Variants in EED observed in about 807,000 individuals in gnomAD.
EED encodes embryonic ectoderm development.
Under a neutral mutation model 61.0 loss-of-function variants are expected in EED, and 9 were observed. That is an observed-to-expected ratio of 0.15 (90% confidence interval 0.09 to 0.26). The LOEUF (loss-of-function observed/expected upper bound fraction) is 0.26, where lower values mean the gene tolerates loss of function less well. Among genes scored for constraint, EED ranks in the 10% least tolerant of loss-of-function variants. The pLI is 1.00. For missense variants in EED, 315 were observed against 542.3 expected (o/e 0.58, Z 4.16); for synonymous variants, 187 against 174.4 (o/e 1.07, Z -0.57).
chr11:86,248,196 A>C (rs1237579991), intron 1 of EED, among the ~76,000 whole-genome samples: 1 of 152,240 alleles, frequency 6.6e-6, no homozygotes, highest in African/African-American at 2.4e-5. Context: ...GTCACCCTGT[A>C]CATATATTAG....
At chr11:86,264,470 C>G (rs750427382) in intron 7 of EED, 12 of 386,074 alleles carry the variant, frequency 3.1e-5, no homozygotes, top group Non-Finnish European at 5.0e-5. Context: ...AAATTACTTG[C>G]ACTGTATACC....
chr11:86,255,482 C>T (rs1187450126), intron 4 of EED, among the ~76,000 whole-genome samples, 195 bp downstream of exon 4: 1 of 152,100 alleles, frequency 6.6e-6, no homozygotes, highest in East Asian at 1.9e-4. Flanking sequence ...GTCAACTCAG[C>T]TAGGCAAAAA....
At chr11:86,275,762 CTA>C (rs1946214168) in intron 9 of EED, among the ~76,000 whole-genome samples, 2 of 152,160 alleles carry the variant, frequency 1.3e-5, no homozygotes, top group South Asian at 2.1e-4. Flanking sequence ...ACTCCACAGA[CTA>C]TTGATCCAAT....
At chr11:86,279,836 G>A (rs1319689716), downstream of EED, among the ~76,000 whole-genome samples, 2 of 152,072 alleles carry the variant, frequency 1.3e-5, no homozygotes, top group Non-Finnish European at 2.9e-5. Flanking sequence ...TCCAATGAAC[G>A]CTTCAATTGT....
chr11:86,276,846 C>A, intron 9 of EED, 134 bp from the exon 10 acceptor site: 1 of 620,754 alleles, frequency 1.6e-6, no homozygotes, highest in Non-Finnish European at 2.4e-6. Context: ...GAATGTACAT[C>A]ACTGTACTTG....
At chr11:86,266,283 C>G in intron 8 of EED, 67 bp downstream of exon 8, 1 of 1,384,090 alleles carries the variant, frequency 7.2e-7, no homozygotes, top group Non-Finnish European at 9.6e-7. Context: ...TATTTTTTCC[C>G]AAAATTGCTA....
chr11:86,269,919 T>A (rs71465624), intron 9 of EED, among the ~76,000 whole-genome samples: 1 of 152,232 alleles, frequency 6.6e-6, no homozygotes, highest in Non-Finnish European at 1.5e-5. Context: ...TTTGGTCATT[T>A]CCAGTTCTGG....
At position 86,257,562 on chromosome 11, in the gene EED, A is replaced by C; in HGVS notation, c.600A>C (p.Pro200=). ...GNAINELKFH[P]RDPNLLLSVS... The stretch of plus-strand genomic sequence containing the variant: ...CTATCAATGAGCTGAAATTCCATCC[A>C]AGAGATCCAAATCTTCTCCTGTCAG... Residue 200 remains proline, a synonymous_variant, in exon 6 of 12, where the codon CCA becomes CCC. Coordinates refer to ENST00000263360, the MANE Select transcript of EED (RefSeq NM_003797.5). 6.2e-7 allele frequency: 1 copy of C among 1,612,398 alleles called. No homozygotes were observed. Among genetic ancestry groups the C allele is most frequent in the Non-Finnish European group, 8.5e-7 (1 of 1,179,148 alleles).
chr11:86,248,526 G>T (rs1484285430), intron 1 of EED, among the ~76,000 whole-genome samples: 1 of 152,156 alleles, frequency 6.6e-6, no homozygotes, highest in Non-Finnish European at 1.5e-5. Flanking sequence ...TACTCAGAGG[G>T]AACCAGGCAA....
At chr11:86,269,059 G>A (rs143215854) in intron 9 of EED, among the ~76,000 whole-genome samples, 125 of 152,238 alleles carry the variant, frequency 8.2e-4, no homozygotes, top group African/African-American at 2.8e-3. Context: ...AATTGAAAAC[G>A]CATTTAATAC....
intron 9 of EED, among the ~76,000 whole-genome samples, chr11:86,272,209 C>T (rs943631542): frequency 1.5e-4 from 23 of 148,466 alleles, no homozygotes; most frequent in Non-Finnish European, 2.7e-4. Flanking sequence ...AGGAGCCTGC[C>T]ACCACACCCG....
Position 86,252,105 on chromosome 11 carries a change from G to A in EED, c.268-43G>A, listed in dbSNP as rs7116719. ...TTAGTTTACTGTCATTTTCTGGTTT[G>A]TAAGATACATTAATCTTTTCTTATT... On this transcript the variant is annotated intron_variant, in intron 2 of 11. Coordinates refer to ENST00000263360, the MANE Select transcript of EED (RefSeq NM_003797.5). 18,335 of 1,531,548 alleles carry A rather than the reference G, an allele frequency of 0.012. 845 individuals carry two copies. Among genetic ancestry groups the A allele is most frequent in the East Asian group, 0.11 (4,800 of 44,136 alleles). 94.9% of individuals were successfully genotyped at this position (1,531,548 alleles called of 1,614,324 possible).
At chr11:86,250,565 T>C in intron 2 of EED, 117 bp downstream of exon 2, 1 of 1,222,010 alleles carries the variant, frequency 8.2e-7, no homozygotes, top group Non-Finnish European at 1.1e-6. Flanking sequence ...AAAGTTACAA[T>C]GTTTTCTGAA....
In EED at chr11:86,244,969, A is replaced by G; in HGVS notation, c.-261A>G. The stretch of plus-strand genomic sequence containing the variant: ...AGACTGCCGGGAGGGCGGCGGGAAA[A>G]GGGCAAGACGGGAGTTGGGGAAGGG... On this transcript the variant is annotated 5_prime_UTR_variant, in exon 1 of 12. Coordinates refer to ENST00000263360, the MANE Select transcript of EED (RefSeq NM_003797.5). 1 of 406,562 alleles carries G rather than the reference A, an allele frequency of 2.5e-6. No individual in the cohort carries two copies. The highest frequency in any genetic ancestry group is 4.4e-6 in the Non-Finnish European group (1 of 226,476). The allele number at this position is 406,562 out of a possible 1,614,324, so 25.2% of individuals were successfully genotyped here.
In EED at chr11:86,245,282, C is replaced by G. The variant is rs1945363445; in HGVS notation, c.53C>G (p.Ala18Gly). 3 of 1,613,430 alleles carry G rather than the reference C, an allele frequency of 1.9e-6. No homozygotes were observed. Among genetic ancestry groups the G allele is most frequent in the Non-Finnish European group, 2.5e-6 (3 of 1,179,926 alleles). Residue 18 changes from alanine to glycine, a missense_variant, in exon 1 of 12, where the codon GCC becomes GGC. This residue lies in a region of EED where 110 missense variants were observed against 86.9 expected (regional missense o/e 1.27). Coordinates refer to ENST00000263360, the MANE Select transcript of EED (RefSeq NM_003797.5). ...CCGGCGGGAACAGACATGCCTGCGGCCAAGAAGCAGAAGCTGAGCAGTGAC... is the reference window on the plus strand; with the variant it reads ...CCGGCGGGAACAGACATGCCTGCGGGCAAGAAGCAGAAGCTGAGCAGTGAC... ...TAPAGTDMPA[A>G]KKQKLSSDEN...
intron 8 of EED, among the ~76,000 whole-genome samples, chr11:86,266,724 C>T (rs1945990448): frequency 6.6e-6 from 1 of 152,060 alleles, no homozygotes; most frequent in South Asian, 2.1e-4. Context: ...AGGAGCCTCA[C>T]TTCATGGTAC....
At chr11:86,250,255 A>C in intron 1 of EED, 41 bp from the exon 2 acceptor site, 1 of 1,455,048 alleles carries the variant, frequency 6.9e-7, no homozygotes, top group Non-Finnish European at 9.1e-7. Context: ...TAAAAACAGT[A>C]TTGCTGTTTC....
chr11:86,267,690 T>G (rs868555706), intron 8 of EED, among the ~76,000 whole-genome samples: 2 of 151,832 alleles, frequency 1.3e-5, no homozygotes, highest in African/African-American at 2.4e-5. Flanking sequence ...AACCTCTGCC[T>G]CGCAGGTTCA....
intron 8 of EED, 90 bp downstream of exon 8, chr11:86,266,306 C>A (rs1593754915): frequency 1.7e-6 from 2 of 1,198,208 alleles, no homozygotes; most frequent in Admixed American, 2.5e-5. Flanking sequence ...TAAGCCCCAA[C>A]AATGAGTTTA....
Sources: gnomAD v4.1 joint callset for allele counts (sites outside exome capture counted in the v4.1 genomes callset) on GRCh38, gnomAD v4.1.1 for gene constraint, gnomAD v4.1.1 regional missense constraint, MANE v1.5 for transcripts, NCBI Gene and HGNC (gene_info 2026-07-23, HGNC 2026-07-21) for gene names.